The following ZFP90 variants were observed in gnomAD, a reference collection of about 807,000 sequenced individuals.
ZFP90 encodes zinc finger protein 90 homolog.
A neutral mutation model predicts 60.8 loss-of-function variants in ZFP90; 38 were observed. That is an observed-to-expected ratio of 0.62 (90% CI 0.48 to 0.82). The LOEUF is 0.82. Ranked by LOEUF, ZFP90 falls within the 40% of genes least tolerant of loss-of-function variation. The pLI is 0.00. For missense variants in ZFP90, 711 were observed against 759.1 expected (o/e 0.94, Z 0.74); for synonymous variants, 287 against 264.8 (o/e 1.08, Z -0.82).
chr16:68,564,745 C>G lies in ZFP90; in HGVS notation c.*47C>G, dbSNP rs760099506. ...TGCAGAATGCTTTAGCTAAAATGTT[C>G]TGATTCAGGATCAGAGGATTCTTAG... On this transcript the variant is annotated 3_prime_UTR_variant, in exon 5 of 5. Transcript: ENST00000563169. 6 of 1,545,994 alleles carry G rather than the reference C, an allele frequency of 3.9e-6. No individual in the cohort carries two copies. In the South Asian group the frequency reaches 5.1e-5, roughly 13 times the overall value.
chr16:68,536,351 C>CT (rs201310069), upstream of ZFP90, among the ~76,000 whole-genome samples: 800 of 152,302 alleles, frequency 5.3e-3, 3 homozygotes, highest in African/African-American at 0.018. Context: ...GTCACGCCAG[C>CT]TGGAGTACAG....
chr16:68,574,869 A>G (rs1455350796), intron 2 of ZFP90, among the ~76,000 whole-genome samples: 2 of 146,276 alleles, frequency 1.4e-5, no homozygotes, highest in East Asian at 4.4e-4. Context: ...GGTTGCAGTG[A>G]GCAGAGATTG....
chr16:68,546,277 C>T (rs2091148247), intron 2 of ZFP90, among the ~76,000 whole-genome samples: 1 of 152,176 alleles, frequency 6.6e-6, no homozygotes, highest in African/African-American at 2.4e-5. Context: ...TGATAAAATA[C>T]ACATAAGACA....
intron 2 of ZFP90, among the ~76,000 whole-genome samples, chr16:68,551,301 C>G (rs900878099): frequency 3.9e-5 from 6 of 151,942 alleles, no homozygotes; most frequent in Non-Finnish European, 8.8e-5. Flanking sequence ...TTTTAGGAGC[C>G]CATGAAATTG....
At chr16:68,561,968 G>T (rs2091445350) in intron 4 of ZFP90, 1 of 151,904 alleles carries the variant, frequency 6.6e-6, no homozygotes, top group Non-Finnish European at 1.5e-5. Flanking sequence ...CACATTTGTT[G>T]TTGTTAACAT....
In ZFP90 at chr16:68,557,861, T is replaced by C. The variant is rs529247307; in HGVS notation, c.34-137T>C. The C allele has an allele frequency of 1.2e-5, 14 of 1,204,820 alleles. No homozygotes were observed. The South Asian group carries it at 1.7e-4, about 14-fold the overall frequency. 74.6% of individuals were successfully genotyped at this position (1,204,820 alleles called of 1,614,324 possible). A position where few individuals can be genotyped will look rare whatever the true frequency, so the allele number is the denominator to read the frequency against. On this transcript the variant is annotated intron_variant, in intron 2 of 4. Coordinates refer to ENST00000563169, the MANE Select transcript of ZFP90 (RefSeq NM_001305203.2). Reference sequence around the variant, plus strand: ...TACAAAATTATGTAAACAATAAGTTTATGTAACCCAACATTGCCTCCTCAA... The same window carrying C: ...TACAAAATTATGTAAACAATAAGTTCATGTAACCCAACATTGCCTCCTCAA...
rs1307459570 is a variant in ZFP90, at chr16:68,564,488, T to C, written c.1701T>C (p.Ser567=). The C allele has an allele frequency of 6.2e-7, 1 of 1,613,922 alleles. No homozygotes were observed. Residue 567 remains serine, a synonymous_variant, in exon 5 of 5, where the codon TCT becomes TCC. Coordinates refer to ENST00000563169, the MANE Select transcript of ZFP90 (RefSeq NM_001305203.2). ...GGAAAGCCTTTAGTCAAAGTTCATC[T>C]CTCATTCAGCATGAGAGAACTCATA... ...DCGKAFSQSS[S]LIQHERTHTG...
In ZFP90 at chr16:68,566,630, C is replaced by T; in HGVS notation, c.*1932C>T. The T allele has an allele frequency of 2.0e-6, 2 of 985,512 alleles. No homozygotes were observed. The highest frequency in any genetic ancestry group is 4.7e-5 in the South Asian group (1 of 21,278). 61.0% of individuals were successfully genotyped at this position (985,512 alleles called of 1,614,324 possible). ...CTGAGATGCTGACCATCCAAAACAC[C>T]TTGTTTATGGTGCACCATGATTAGC... On this transcript the variant is annotated 3_prime_UTR_variant, in exon 5 of 5. Transcript: ENST00000563169.
intron 2 of ZFP90, among the ~76,000 whole-genome samples, chr16:68,549,098 A>G (rs896692470): frequency 6.6e-6 from 1 of 152,178 alleles, no homozygotes; most frequent in African/African-American, 2.4e-5. Flanking sequence ...AACCAGGGTC[A>G]TGCTTCAGAA....
intron 4 of ZFP90, among the ~76,000 whole-genome samples, chr16:68,561,718 T>C (rs928711729): frequency 6.6e-6 from 1 of 152,212 alleles, no homozygotes; most frequent in Non-Finnish European, 1.5e-5. Context: ...AAGAAAACTT[T>C]TCTCATTTAA....
upstream of ZFP90, among the ~76,000 whole-genome samples, chr16:68,537,375 C>G (rs1331921381): frequency 6.6e-6 from 1 of 152,144 alleles, no homozygotes; most frequent in African/African-American, 2.4e-5. Context: ...ATCTGCCCCC[C>G]TCAGCCTCCC....
At chr16:68,556,743 G>A (rs1051777065) in intron 2 of ZFP90, among the ~76,000 whole-genome samples, 12 of 152,190 alleles carry the variant, frequency 7.9e-5, no homozygotes, top group African/African-American at 2.9e-4. Flanking sequence ...GAAAAGAACT[G>A]GGCAGTGAGA....
intron 2 of ZFP90, among the ~76,000 whole-genome samples, chr16:68,575,575 C>T (rs1430077599): frequency 1.4e-5 from 2 of 143,372 alleles, no homozygotes. Context: ...AAAGGCACTA[C>T]TCAAAGGTGG....
At chr16:68,538,736 T>C (rs1254619517), upstream of ZFP90, among the ~76,000 whole-genome samples, 1 of 152,096 alleles carries the variant, frequency 6.6e-6, no homozygotes. Context: ...TCCATCATTG[T>C]TTGCTTGTCC....
chr16:68,538,127 G>A (rs2550881), upstream of ZFP90, among the ~76,000 whole-genome samples: 66,107 of 151,700 alleles, frequency 0.44, 16,820 homozygotes, highest in East Asian at 0.76. Flanking sequence ...GGTCAGGCTG[G>A]TCTCGAACTC....
chr16:68,550,481 C>G (rs1489824067), intron 2 of ZFP90, among the ~76,000 whole-genome samples: 1 of 152,144 alleles, frequency 6.6e-6, no homozygotes, highest in African/African-American at 2.4e-5. Context: ...AAACTCCTGA[C>G]CTCAGGTGAT....
In ZFP90 at chr16:68,566,848, C is replaced by T. The variant is rs941350968; in HGVS notation, c.*2150C>T. Reference sequence around the variant, plus strand: ...ATTGTAACCAACTGAGTGCTGCCCCCACTGTTACGGAAGTTTATAAAACCT... The same window carrying T: ...ATTGTAACCAACTGAGTGCTGCCCCTACTGTTACGGAAGTTTATAAAACCT... On this transcript the variant is annotated 3_prime_UTR_variant, in exon 5 of 5. Transcript: ENST00000563169. 37 of 985,498 alleles carry T rather than the reference C, an allele frequency of 3.8e-5. No homozygotes were observed. Among genetic ancestry groups the T allele is most frequent in the African/African-American group, 5.2e-5 (3 of 57,238 alleles). The allele number at this position is 985,498 out of a possible 1,614,324, so 61.0% of individuals were successfully genotyped here. A position where few individuals can be genotyped will look rare whatever the true frequency, so the allele number is the denominator to read the frequency against.
intron 2 of ZFP90, chr16:68,575,688 T>C (rs1424421741): frequency 2.5e-6 from 1 of 396,446 alleles, no homozygotes; most frequent in Admixed American, 4.4e-5. Flanking sequence ...GAAGACAGGT[T>C]CTCAATCCGG....
Position 68,563,205 on chromosome 16 carries a change from T to A in ZFP90, c.418T>A (p.Ser140Thr). Reference protein sequence around the residue: ...QQENWKRHLGSEASTQKKIIT... With the variant: ...QQENWKRHLGTEASTQKKIIT... ...GGAAAACTGGAAGAGACATCTGGGA[T>A]CAGAGGCATCCACCCAGAAGAAAAT... The change falls in exon 5 of 5, where the codon TCA (serine) becomes ACA (threonine). Residue 140 changes from serine (S) to threonine (T), a missense_variant. Around this residue, in one of 5 missense-constraint regions of ZFP90, gnomAD observed 241 missense variants for 247.6 expected, o/e 0.97. Coordinates refer to ENST00000563169, the MANE Select transcript of ZFP90 (RefSeq NM_001305203.2). The A allele has an allele frequency of 6.2e-7, 1 of 1,614,068 alleles. No individual in the cohort carries two copies.
Sources: allele counts gnomAD v4.1 joint callset (sites outside exome capture counted in the v4.1 genomes callset), GRCh38; gene constraint gnomAD v4.1.1; regional missense constraint gnomAD v4.1.1; transcripts MANE v1.5; gene names NCBI Gene and HGNC (gene_info 2026-07-23, HGNC 2026-07-21).